Variants in ARPC3 observed in about 807,000 individuals in gnomAD.
The protein encoded by ARPC3 is actin-related protein 2/3 complex subunit 3.
Under a neutral mutation model 27.6 loss-of-function variants are expected in ARPC3, and 12 were observed. The observed-to-expected ratio is 0.43, with a 90% CI of 0.28 to 0.70. ARPC3 has a LOEUF of 0.70. ARPC3 is among the 30% of genes least tolerant of loss of function. The pLI, the probability that ARPC3 is intolerant of heterozygous loss-of-function variation, is 0.17. For synonymous variants in ARPC3, 53 were observed against 67.2 expected (o/e 0.79, Z 1.03); for missense variants, 153 against 207.7 (o/e 0.74, Z 1.62).
At chr12:110,438,346 TC>T (rs2062417009) in intron 3 of ARPC3, among the ~76,000 whole-genome samples, 1 of 146,632 alleles carries the variant, frequency 6.8e-6, no homozygotes, top group South Asian at 2.2e-4. Context: ...ACACCTGTAA[TC>T]CCAACACTTT....
chr12:110,443,997 G>C (rs1041705098), intron 2 of ARPC3, among the ~76,000 whole-genome samples: 1 of 149,492 alleles, frequency 6.7e-6, no homozygotes, highest in Non-Finnish European at 1.5e-5. Flanking sequence ...TTGAAACAGA[G>C]TTTTGCTCGT....
intron 2 of ARPC3, 162 bp from the exon 3 acceptor site, chr12:110,440,550 A>AT: frequency 3.1e-6 from 2 of 638,762 alleles, no homozygotes; most frequent in South Asian, 1.8e-5. Flanking sequence ...GAAAATATTT[A>AT]TTTGTTTTTT....
intron 2 of ARPC3, chr12:110,445,202 C>G: frequency 2.1e-6 from 1 of 473,908 alleles, no homozygotes; most frequent in Non-Finnish European, 3.9e-6. Flanking sequence ...TAAACAGTGT[C>G]CAGAATTAAG....
At chr12:110,438,721 G>A (rs1203356309) in intron 3 of ARPC3, among the ~76,000 whole-genome samples, 1 of 147,790 alleles carries the variant, frequency 6.8e-6, no homozygotes, top group Non-Finnish European at 1.5e-5. Context: ...TTGGCTCACC[G>A]CAACCTCTGC....
At chr12:110,441,997 C>T (rs898454779) in intron 2 of ARPC3, among the ~76,000 whole-genome samples, 1 of 150,496 alleles carries the variant, frequency 6.6e-6, no homozygotes, top group Non-Finnish European at 1.5e-5. Flanking sequence ...CACCATTGCA[C>T]TCCAGCCTGG....
intron 3 of ARPC3, among the ~76,000 whole-genome samples, chr12:110,439,925 T>A (rs1249089713): frequency 6.6e-6 from 1 of 152,206 alleles, no homozygotes; most frequent in East Asian, 1.9e-4. Flanking sequence ...GCAAACTTTC[T>A]CTGTAAAAGG....
chr12:110,440,639 C>G, intron 2 of ARPC3: 2 of 385,296 alleles, frequency 5.2e-6, no homozygotes, highest in Admixed American at 7.4e-5. Context: ...CTCTGCCTCC[C>G]GGGTTCACGC....
chr12:110,440,139 AG>A (rs940986522), intron 3 of ARPC3, among the ~76,000 whole-genome samples, 172 bp downstream of exon 3: 3 of 152,086 alleles, frequency 2.0e-5, no homozygotes, highest in Non-Finnish European at 4.4e-5. Flanking sequence ...TAGAATTTGG[AG>A]GAAAAAAAAA....
In ARPC3 at chr12:110,434,951, T is replaced by C. The variant is rs1230649256; in HGVS notation, c.*204A>G. The C allele has an allele frequency of 2.8e-6, 2 of 709,930 alleles. No individual in the cohort carries two copies. Among genetic ancestry groups the C allele is most frequent in the Non-Finnish European group, 5.2e-6 (2 of 381,702 alleles). 44.0% of individuals were successfully genotyped at this position (709,930 alleles called of 1,614,324 possible). A position where few individuals can be genotyped will look rare whatever the true frequency, so the allele number is the denominator to read the frequency against. The stretch of plus-strand genomic sequence containing the variant: ...TTACTTATTCTTATTAAGCGCCAGC[T>C]TTAATGCTGCAGAAAATTTCAAATC... On this transcript the variant is annotated 3_prime_UTR_variant, in exon 7 of 7. Transcript: ENST00000228825.
At chr12:110,437,488 C>T (rs888994062) in intron 3 of ARPC3, among the ~76,000 whole-genome samples, 3 of 152,158 alleles carry the variant, frequency 2.0e-5, no homozygotes, top group Non-Finnish European at 4.4e-5. Flanking sequence ...CTGCCTCAGC[C>T]TCCCGAGTAG....
chr12:110,450,154 C>T (rs2062493283), intron 1 of ARPC3, 101 bp downstream of exon 1: 2 of 1,530,026 alleles, frequency 1.3e-6, no homozygotes, highest in African/African-American at 1.4e-5. Context: ...GCCCCAGCTT[C>T]CTCTCTGCCT....
intron 3 of ARPC3, among the ~76,000 whole-genome samples, chr12:110,439,505 C>T (rs1378709803): frequency 6.6e-6 from 1 of 152,142 alleles, no homozygotes; most frequent in African/African-American, 2.4e-5. Context: ...CTGTTTGATT[C>T]CAGAAGTTCA....
At position 110,450,135 on chromosome 12, in the gene ARPC3, C is replaced by T. The variant is rs192893724; in HGVS notation, c.6+120G>A. 8.8e-3 allele frequency: 12,664 copies of T among 1,433,124 alleles called. 59 individuals are homozygous for T. Among genetic ancestry groups the T allele is most frequent in the Non-Finnish European group, 1.0e-2 (10,330 of 1,034,866 alleles). The allele number at this position is 1,433,124 out of a possible 1,614,324, so 88.8% of individuals were successfully genotyped here. On this transcript the variant is annotated intron_variant, in intron 1 of 6. Coordinates refer to ENST00000228825, the MANE Select transcript of ARPC3 (RefSeq NM_001278556.2). Reference sequence around the variant, plus strand: ...ACCGGTCCCCTCCCCTCGCCTCCCTCCTTCTCGGGCCCCAGCTTCCTCTCT... The same window carrying T: ...ACCGGTCCCCTCCCCTCGCCTCCCTTCTTCTCGGGCCCCAGCTTCCTCTCT...
chr12:110,435,460 G>A (rs1020564857), intron 6 of ARPC3, among the ~76,000 whole-genome samples: 1 of 151,872 alleles, frequency 6.6e-6, no homozygotes, highest in African/African-American at 2.4e-5. Flanking sequence ...CTCCCCAGTA[G>A]CTGGGACTAC....
chr12:110,440,348 G>C lies in ARPC3; in HGVS notation c.147C>G (p.Phe49Leu). The C allele has an allele frequency of 6.2e-7, 1 of 1,611,606 alleles. No individual in the cohort carries two copies. The highest frequency in any genetic ancestry group is 8.5e-7 in the Non-Finnish European group (1 of 1,177,810). Reference protein sequence around the residue: ...TDIVDEAIYYFKANVFFKNYE... With the variant: ...TDIVDEAIYYLKANVFFKNYE... ...AGTTTTTGAAGAAGACATTGGCCTT[G>C]AAGTAATAGATGGCTTCATCCACAA... The change falls in exon 3 of 7, where the codon TTC (phenylalanine) becomes TTG (leucine). Residue 49 changes from phenylalanine to leucine, a missense_variant. By Grantham distance (22) the Phe-to-Leu change is conservative. Coordinates refer to ENST00000228825, the MANE Select transcript of ARPC3 (RefSeq NM_001278556.2).
At chr12:110,446,228 T>C (rs1485875408) in intron 1 of ARPC3, among the ~76,000 whole-genome samples, 3 of 151,304 alleles carry the variant, frequency 2.0e-5, no homozygotes, top group Admixed American at 1.3e-4. Flanking sequence ...AGCTCAAGTG[T>C]TCCTCCTGCC....
Sources: allele counts gnomAD v4.1 joint callset (sites outside exome capture counted in the v4.1 genomes callset), GRCh38; gene constraint gnomAD v4.1.1; transcripts MANE v1.5; gene names NCBI Gene and HGNC (gene_info 2026-07-23, HGNC 2026-07-21).